Variants in LARGE1 observed in about 807,000 individuals in gnomAD.
The protein encoded by LARGE1 is LARGE xylosyl- and glucuronyltransferase 1.
Under a neutral mutation model 87.6 loss-of-function variants are expected in LARGE1, and 43 were observed. The observed-to-expected ratio is 0.49, with a 90% CI of 0.38 to 0.63. LARGE1 has a LOEUF of 0.63. Among genes scored for constraint, LARGE1 ranks in the 30% least tolerant of loss-of-function variants. LARGE1 has a pLI of 0.00. For missense variants in LARGE1, 802 were observed against 1,000.2 expected (o/e 0.80, Z 2.67); for synonymous variants, 434 against 394.6 (o/e 1.10, Z -1.18).
chr22:33,643,169 C>T (rs8141166), intron 3 of LARGE1, among the ~76,000 whole-genome samples: 6,338 of 152,008 alleles, frequency 0.042, 431 homozygotes, highest in African/African-American at 0.15. Flanking sequence ...TCAGCAAATG[C>T]AAAGAACAGA....
chr22:33,563,781 A>G (rs1268365379), intron 6 of LARGE1, among the ~76,000 whole-genome samples: 2 of 152,250 alleles, frequency 1.3e-5, no homozygotes, highest in Non-Finnish European at 2.9e-5. Context: ...GAATAAGAAA[A>G]GTAAATTTTG....
At chr22:33,340,827 CT>C (rs1166824506) in intron 9 of LARGE1, among the ~76,000 whole-genome samples, 2 of 152,046 alleles carry the variant, frequency 1.3e-5, no homozygotes, top group East Asian at 3.9e-4. Context: ...GGCCACCTTG[CT>C]GGTAAACATG....
chr22:33,599,510 G>A (rs1289632801), intron 5 of LARGE1, among the ~76,000 whole-genome samples: 1 of 152,152 alleles, frequency 6.6e-6, no homozygotes, highest in Admixed American at 6.5e-5. Context: ...AGACCAATGA[G>A]CATTTCACAG....
intron 1 of LARGE1, among the ~76,000 whole-genome samples, chr22:33,772,741 C>T (rs1216408370): frequency 2.0e-5 from 3 of 151,694 alleles, no homozygotes; most frequent in Admixed American, 6.6e-5. Context: ...CTTGCTTAAT[C>T]GCTGCTGCGC....
chr22:33,869,088 T>G (rs925835473), intron 1 of LARGE1, among the ~76,000 whole-genome samples: 1 of 152,086 alleles, frequency 6.6e-6, no homozygotes, highest in African/African-American at 2.4e-5. Flanking sequence ...AATCCAACTT[T>G]CTGAAGGGAG....
intron 1 of LARGE1, among the ~76,000 whole-genome samples, chr22:33,889,585 A>G (rs1217512893): frequency 6.6e-6 from 1 of 152,188 alleles, no homozygotes; most frequent in African/African-American, 2.4e-5. Context: ...CGCCAAGACC[A>G]TTGATTGGGA....
the LARGE1 span, among the ~76,000 whole-genome samples, chr22:33,154,655 C>T: frequency 6.6e-6 from 1 of 152,102 alleles, no homozygotes; most frequent in African/African-American, 2.4e-5. Flanking sequence ...TTCTTCCTTT[C>T]CTTCTTCTAT....
At chr22:33,601,554 G>C (rs1259011043) in intron 5 of LARGE1, among the ~76,000 whole-genome samples, 3 of 152,116 alleles carry the variant, frequency 2.0e-5, no homozygotes, top group Non-Finnish European at 4.4e-5. Flanking sequence ...TCCTGGCTTT[G>C]TCATGAACCA....
intron 6 of LARGE1, among the ~76,000 whole-genome samples, chr22:33,486,127 G>C (rs543173381): frequency 3.9e-5 from 6 of 152,340 alleles, no homozygotes; most frequent in African/African-American, 1.2e-4. Context: ...CTTGGCTCTC[G>C]TGTCAGCTCT....
chr22:33,356,913 G>A (rs1325751206), intron 9 of LARGE1, among the ~76,000 whole-genome samples: 1 of 152,210 alleles, frequency 6.6e-6, no homozygotes, highest in African/African-American at 2.4e-5. Context: ...CTTATACACT[G>A]TTGGTGGGAA....
At chr22:33,537,177 G>A (rs962108264) in intron 6 of LARGE1, among the ~76,000 whole-genome samples, 1 of 152,210 alleles carries the variant, frequency 6.6e-6, no homozygotes, top group African/African-American at 2.4e-5. Flanking sequence ...TACAAATGAC[G>A]TGGCTTGAAA....
In LARGE1 at chr22:33,778,404, T is replaced by C. The variant is rs148643784; in HGVS notation, c.-82-16846A>G. On this transcript the variant is annotated intron_variant, in intron 1 of 14. Transcript: ENST00000397394. ...TTCATGGCATTTAGTACATTCACGA[T>C]GTTGAGCAACCACTCCTTTATCTAA... Among the ~76,000 whole-genome samples, 4 of 152,326 alleles carry C rather than the reference T, an allele frequency of 2.6e-5. No individual in the cohort carries two copies. The South Asian group carries it at 8.3e-4, about 32-fold the overall frequency.
In LARGE1 at chr22:33,817,619, T is replaced by A. The variant is rs149527764; in HGVS notation, c.-82-56061A>T. 2.2e-4 allele frequency among the ~76,000 whole-genome samples: 33 copies of A among 151,648 alleles called. No individual in the cohort carries two copies. In the East Asian group the frequency reaches 5.0e-3, roughly 23 times the overall value. Reference sequence around the variant, plus strand: ...GACCACAGAGAGGTAACAGCAAAAGTCTAGAGCACAGAGCTGCTCGAACTG... The same window carrying A: ...GACCACAGAGAGGTAACAGCAAAAGACTAGAGCACAGAGCTGCTCGAACTG... On this transcript the variant is annotated intron_variant, in intron 1 of 14. Transcript: ENST00000397394.
At chr22:33,270,923 G>C (rs950061074), downstream of LARGE1, among the ~76,000 whole-genome samples, 1 of 152,202 alleles carries the variant, frequency 6.6e-6, no homozygotes, top group Non-Finnish European at 1.5e-5. Context: ...CAGGGTACAA[G>C]GGAGAGCTTA....
chr22:33,348,583 T>C (rs1940042438), intron 9 of LARGE1, among the ~76,000 whole-genome samples: 1 of 152,142 alleles, frequency 6.6e-6, no homozygotes, highest in African/African-American at 2.4e-5. Flanking sequence ...TGTGAGGGTG[T>C]TTGCAAATGA....
chr22:33,476,726 G>A (rs2069096725), intron 6 of LARGE1, among the ~76,000 whole-genome samples: 1 of 151,320 alleles, frequency 6.6e-6, no homozygotes, highest in African/African-American at 2.4e-5. Context: ...AGAATACTAG[G>A]TATTAACTAC....
chr22:33,255,499 C>T (rs1764487467), intron 11 of LARGE1, among the ~76,000 whole-genome samples: 2 of 152,148 alleles, frequency 1.3e-5, no homozygotes, highest in South Asian at 4.1e-4. Flanking sequence ...TTGTGTCCCT[C>T]CAGCCTGGCA....
chr22:33,855,634 G>T (rs1405923923), intron 1 of LARGE1, among the ~76,000 whole-genome samples: 1 of 152,166 alleles, frequency 6.6e-6, no homozygotes, highest in African/African-American at 2.4e-5. Context: ...TCTGGGAAAG[G>T]CCCTCAAGGA....
intron 11 of LARGE1, among the ~76,000 whole-genome samples, chr22:33,261,443 C>T (rs1235572986): frequency 6.6e-6 from 1 of 152,106 alleles, no homozygotes. Flanking sequence ...GCTGCCTCTA[C>T]CAAAGGCACG....
Sources: gnomAD v4.1 joint callset for allele counts (sites outside exome capture counted in the v4.1 genomes callset) on GRCh38, gnomAD v4.1.1 for gene constraint, MANE v1.5 for transcripts, NCBI Gene and HGNC (gene_info 2026-07-23, HGNC 2026-07-21) for gene names.